Variants in STON2 observed in about 807,000 individuals in gnomAD.
STON2 encodes the protein stonin-2.
In STON2, 29 loss-of-function variants were observed where a neutral mutation model predicts 65.7. That is an observed-to-expected ratio of 0.44 (90% confidence interval 0.33 to 0.60). The LOEUF (loss-of-function observed/expected upper bound fraction) is 0.60. Ranked by LOEUF, STON2 falls within the 20% of genes least tolerant of loss-of-function variation. STON2 has a pLI of 0.03. For synonymous variants in STON2, 404 were observed against 414.2 expected (o/e 0.98, Z 0.30); for missense variants, 1,054 against 1,118.1 (o/e 0.94, Z 0.82).
chr14:81,362,989 G>A (rs1198383756), intron 4 of STON2, among the ~76,000 whole-genome samples: 3 of 152,052 alleles, frequency 2.0e-5, no homozygotes, highest in Non-Finnish European at 2.9e-5. Flanking sequence ...GAAATGTGGC[G>A]GAGGCAGCAC....
chr14:81,398,707 T>C, intron 1 of STON2, 127 bp from the exon 2 acceptor site: 1 of 218,612 alleles, frequency 4.6e-6, no homozygotes, highest in East Asian at 9.5e-5. Context: ...CTTGCCTTAC[T>C]TCACTCTGTT....
intron 1 of STON2, chr14:81,436,258 C>G (rs2139942909): frequency 6.6e-6 from 1 of 151,736 alleles, no homozygotes; most frequent in Non-Finnish European, 1.5e-5. Flanking sequence ...CCGCCCGCTC[C>G]ACCTGCGGGG....
At chr14:81,417,189 G>A (rs556988482) in intron 2 of STON2, among the ~76,000 whole-genome samples, 1 of 152,082 alleles carries the variant, frequency 6.6e-6, no homozygotes, top group Admixed American at 6.5e-5. Flanking sequence ...ACAGCACTGT[G>A]TTGCACAACT....
At chr14:81,352,274 C>T (rs915720245) in intron 4 of STON2, among the ~76,000 whole-genome samples, 1 of 152,154 alleles carries the variant, frequency 6.6e-6, no homozygotes. Flanking sequence ...CTTAAGATAT[C>T]TGTCACAACT....
At chr14:81,364,655 A>G (rs1369323623) in intron 4 of STON2, among the ~76,000 whole-genome samples, 1 of 152,200 alleles carries the variant, frequency 6.6e-6, no homozygotes, top group Non-Finnish European at 1.5e-5. Context: ...TTATACATAT[A>G]CATACATATA....
chr14:81,416,961 G>A (rs1163743685), intron 2 of STON2, among the ~76,000 whole-genome samples: 1 of 152,188 alleles, frequency 6.6e-6, no homozygotes, highest in Non-Finnish European at 1.5e-5. Flanking sequence ...GCTCTACAAT[G>A]AAGTCAGCTC....
upstream of STON2, among the ~76,000 whole-genome samples, chr14:81,401,077 C>CGTAACTTGT (rs1218821785): frequency 6.6e-6 from 1 of 152,156 alleles, no homozygotes; most frequent in African/African-American, 2.4e-5. Context: ...CCCAACGTTG[C>CGTAACTTGT]GTAACTTGTT....
At chr14:81,401,306 C>A (rs1283988617), upstream of STON2, among the ~76,000 whole-genome samples, 1 of 152,176 alleles carries the variant, frequency 6.6e-6, no homozygotes, top group African/African-American at 2.4e-5. Context: ...GAAAAAAGAG[C>A]CCCAAAACTT....
At position 81,263,613 on chromosome 14, in the gene STON2, G is replaced by T; in HGVS notation, c.*4801C>A. ...ATGTTTTTAAAGCTCATCAGCTGTT[G>T]TTACTGTATTTTATGTGTGACCCAA... On this transcript the variant is annotated 3_prime_UTR_variant, in exon 8 of 8. Transcript: ENST00000614646. 2.7e-6 allele frequency: 1 copy of T among 371,334 alleles called. No individual in the cohort carries two copies. Among genetic ancestry groups the T allele is most frequent in the Non-Finnish European group, 3.7e-6 (1 of 269,866 alleles). The allele number at this position is 371,334 out of a possible 1,614,324, so 23.0% of individuals were successfully genotyped here. A position where few individuals can be genotyped will look rare whatever the true frequency, so the allele number is the denominator to read the frequency against.
chr14:81,339,021 A>T (rs1479314858), intron 4 of STON2, among the ~76,000 whole-genome samples: 2 of 151,656 alleles, frequency 1.3e-5, no homozygotes, highest in Non-Finnish European at 2.9e-5. Flanking sequence ...AGCAAAGAAG[A>T]GTTTGGTTTG....
At chr14:81,364,720 C>T (rs1465816100) in intron 4 of STON2, among the ~76,000 whole-genome samples, 3 of 152,064 alleles carry the variant, frequency 2.0e-5, no homozygotes, top group Admixed American at 2.0e-4. Flanking sequence ...AAATCTCCAA[C>T]AAAGGGGGCA....
At chr14:81,272,221 CAAAACAA>C (rs1299763315) in intron 6 of STON2, among the ~76,000 whole-genome samples, 11 of 151,966 alleles carry the variant, frequency 7.2e-5, no homozygotes, top group African/African-American at 2.2e-4. Flanking sequence ...GACTCCGTCT[CAAAACAA>C]AAAACAAAAA....
At chr14:81,414,555 T>C (rs1312927508) in intron 2 of STON2, among the ~76,000 whole-genome samples, 1 of 151,836 alleles carries the variant, frequency 6.6e-6, no homozygotes, top group Non-Finnish European at 1.5e-5. Context: ...AGCAGCCCAC[T>C]CTCTATCTGG....
At chr14:81,370,889 A>G in intron 4 of STON2, 99 bp downstream of exon 4, 1 of 1,136,494 alleles carries the variant, frequency 8.8e-7, no homozygotes. Flanking sequence ...TCATTCTGCA[A>G]AGGAAGCCAG....
chr14:81,411,930 T>TATCA lies in STON2; in HGVS notation c.-198-13354_-198-13351dup, dbSNP rs566368548. Among the ~76,000 whole-genome samples the TATCA allele has an allele frequency of 1.1e-3, 109 of 101,396 alleles. 15 individuals carry two copies. The highest frequency in any genetic ancestry group is 4.4e-3 in the Admixed American group (43 of 9,868). The allele number at this position is 101,396 out of a possible 152,430, so 66.5% of individuals were successfully genotyped here. A position where few individuals can be genotyped will look rare whatever the true frequency, so the allele number is the denominator to read the frequency against. On this transcript the variant is annotated intron_variant, in intron 2 of 8. Coordinates refer to the STON2 transcript ENST00000553821. ...TGTCTCTGAAGAGGTGACATTTAAC[T>TATCA]ATCATCTCAAAGACAAGAAGAAGCC...
At chr14:81,321,268 T>C (rs1009200466) in intron 5 of STON2, among the ~76,000 whole-genome samples, 7 of 151,628 alleles carry the variant, frequency 4.6e-5, no homozygotes, top group African/African-American at 1.5e-4. Context: ...TGGTGGCTCA[T>C]GCCTGTAACT....
rs968111101 is a variant in STON2 at position 81,398,172 on chromosome 14, T to C, written c.88+123A>G. 2.6e-5 allele frequency: 17 copies of C among 642,962 alleles called. No homozygotes were observed. In the African/African-American group the frequency reaches 3.0e-4, roughly 11 times the overall value. 39.8% of individuals were successfully genotyped at this position (642,962 alleles called of 1,614,324 possible). A position where few individuals can be genotyped will look rare whatever the true frequency, so the allele number is the denominator to read the frequency against. On this transcript the variant is annotated intron_variant, in intron 2 of 7. Coordinates refer to ENST00000614646, the MANE Select transcript of STON2 (RefSeq NM_001394390.1). ...GATTCTAAGATCTCAAGAAAGAAAG[T>C]GAGAAACTGACCCTTTTTTCTATAT... is the stretch of plus-strand genomic sequence containing the variant.
intron 3 of STON2, among the ~76,000 whole-genome samples, chr14:81,373,673 A>AT (rs1899109186): frequency 6.6e-6 from 1 of 152,146 alleles, no homozygotes; most frequent in South Asian, 2.1e-4. Flanking sequence ...TGAAGAAGGC[A>AT]AACAATAAAG....
chr14:81,358,713 G>A (rs1441595313), intron 4 of STON2, among the ~76,000 whole-genome samples: 2 of 152,030 alleles, frequency 1.3e-5, no homozygotes, highest in African/African-American at 4.8e-5. Flanking sequence ...CACACAAATG[G>A]CAACCAAAAG....
Sources: allele counts gnomAD v4.1 joint callset (sites outside exome capture counted in the v4.1 genomes callset), GRCh38; gene constraint gnomAD v4.1.1; transcripts MANE v1.5; gene names NCBI Gene and HGNC (gene_info 2026-07-23, HGNC 2026-07-21).